Variants in ANKRD11 observed in about 807,000 individuals in gnomAD.
The protein encoded by ANKRD11 is ankyrin repeat domain-containing protein 11.
A neutral mutation model predicts 195.7 loss-of-function variants in ANKRD11; 17 were observed. The ratio of observed to expected loss-of-function variants is 0.09; its 90% CI spans 0.06 to 0.13. The LOEUF (loss-of-function observed/expected upper bound fraction) is 0.13, where lower values mean the gene tolerates loss of function less well. Ranked by LOEUF, ANKRD11 falls within the 10% of genes least tolerant of loss-of-function variation. The pLI is 1.00. For synonymous variants in ANKRD11, 1,953 were observed against 1,528.1 expected (o/e 1.28, Z -6.49); for missense variants, 3,735 against 3,566.1 (o/e 1.05, Z -1.21).
In ANKRD11 at chr16:89,291,555, G is replaced by A. The variant is rs2035066936; in HGVS notation, c.227-372C>T. On this transcript the variant is annotated intron_variant, in intron 4 of 12. Transcript: ENST00000301030. This position sits in a 1 kb window ranked among gnomAD's most constrained non-coding sequence, Gnocchi z 5.3. ...CCTGGCTCACACAGGACAGGTCTCT[G>A]TTCAATACACGTGTCTGTAATTCAA... 2 of 759,930 alleles carry A rather than the reference G, an allele frequency of 2.6e-6. No homozygotes were observed. The highest frequency in any genetic ancestry group is 4.0e-6 in the Non-Finnish European group (2 of 496,764). 47.1% of individuals were successfully genotyped at this position (759,930 alleles called of 1,614,324 possible). A position where few individuals can be genotyped will look rare whatever the true frequency, so the allele number is the denominator to read the frequency against.
chr16:89,340,230 C>T (rs553696230), intron 2 of ANKRD11, among the ~76,000 whole-genome samples: 1 of 152,332 alleles, frequency 6.6e-6, no homozygotes, highest in African/African-American at 2.4e-5. Context: ...CATTCACAAA[C>T]ATGTCATCTT....
At chr16:89,371,868 T>TA (rs908527106) in intron 2 of ANKRD11, among the ~76,000 whole-genome samples, 7 of 151,916 alleles carry the variant, frequency 4.6e-5, no homozygotes, top group African/African-American at 1.7e-4. Flanking sequence ...GAAAGGGAGG[T>TA]AGACCTGGTG....
chr16:89,360,660 AACGTCGATGGTCAAC>A (rs1215475894), intron 2 of ANKRD11: 1 of 152,188 alleles, frequency 6.6e-6, no homozygotes, highest in Non-Finnish European at 1.5e-5. Flanking sequence ...CGGAACCTAG[AACGTCGATGGTCAAC>A]ACTAGGCAGC....
At chr16:89,431,656 C>T (rs2042983595) in intron 1 of ANKRD11, among the ~76,000 whole-genome samples, 1 of 152,176 alleles carries the variant, frequency 6.6e-6, no homozygotes, top group Non-Finnish European at 1.5e-5. Flanking sequence ...CCTCCTCCCT[C>T]AATGTTGTCT....
intron 1 of ANKRD11, among the ~76,000 whole-genome samples, chr16:89,484,590 G>T (rs1441168437): frequency 1.3e-5 from 2 of 152,100 alleles, no homozygotes; most frequent in African/African-American, 4.8e-5. Flanking sequence ...TCGAGGAAGG[G>T]CAACTTACTA....
chr16:89,474,808 C>T (rs145095321), intron 1 of ANKRD11, among the ~76,000 whole-genome samples: 1 of 152,356 alleles, frequency 6.6e-6, no homozygotes, highest in East Asian at 1.9e-4. Flanking sequence ...ATGCCACCAA[C>T]GTCAATCCTC....
rs531931260 is a variant in ANKRD11 at position 89,427,430 on chromosome 16, C to G, written c.-144-9062G>C. On this transcript the variant is annotated intron_variant, in intron 1 of 12. Coordinates refer to ENST00000301030, the MANE Select transcript of ANKRD11 (RefSeq NM_013275.6). ...CAAAAATCTAGATGGAATTGTAAAC[C>G]TCTTACATACTACAACTTACAGAAC... Among the ~76,000 whole-genome samples, 5 of 152,288 alleles carry G rather than the reference C, an allele frequency of 3.3e-5. No individual in the cohort carries two copies. In the East Asian group the frequency reaches 9.6e-4, roughly 29 times the overall value.
intron 2 of ANKRD11, among the ~76,000 whole-genome samples, chr16:89,356,780 CAAAAAAAAA>C (rs58470031): frequency 9.6e-6 from 1 of 103,988 alleles, no homozygotes; most frequent in Non-Finnish European, 1.9e-5. Flanking sequence ...GACTCCGTCT[CAAAAAAAAA>C]AAAAAAGAAA....
chr16:89,449,654 G>A (rs1012725276), intron 1 of ANKRD11, among the ~76,000 whole-genome samples: 4 of 151,996 alleles, frequency 2.6e-5, no homozygotes, highest in Admixed American at 6.6e-5. Context: ...TTACCAGGGC[G>A]TGGTGGTACA....
chr16:89,389,302 G>A (rs2041067508), intron 2 of ANKRD11, among the ~76,000 whole-genome samples: 1 of 152,016 alleles, frequency 6.6e-6, no homozygotes, highest in Non-Finnish European at 1.5e-5. Flanking sequence ...TGGGATTACA[G>A]GCGTGAGCCA....
Position 89,316,971 on chromosome 16 carries a change from G to A in ANKRD11, c.49C>T (p.Leu17Phe), listed in dbSNP as rs1382022500. Residue 17 changes from leucine (L) to phenylalanine (F), a missense_variant, in exon 3 of 13, where the codon CTC becomes TTC. Physicochemically the swap from Leu to Phe is conservative, Grantham distance 22. Transcript: ENST00000301030. ...PKAPQQEELPLSSDMVEKQTG... is the reference protein window; with the variant it reads ...PKAPQQEELPFSSDMVEKQTG... Reference sequence around the variant, plus strand: ...TGCTTCTCCACCATGTCGCTGCTGAGGGGAAGCTCTTCCTGCTGTGGTGCT... The same window carrying A: ...TGCTTCTCCACCATGTCGCTGCTGAAGGGAAGCTCTTCCTGCTGTGGTGCT... 6.2e-7 allele frequency: 1 copy of A among 1,613,892 alleles called. No homozygotes were observed. Among genetic ancestry groups the A allele is most frequent in the South Asian group, 1.1e-5 (1 of 90,958 alleles).
rs113800349 is a variant in ANKRD11 at position 89,382,687 on chromosome 16, C to T, written c.-60+35597G>A. On this transcript the variant is annotated intron_variant, in intron 2 of 12. Transcript: ENST00000301030. ...AGTAGATGGGGTCTCACTATGTTGC[C>T]CAGGTTGGTCTCAAACTCCTGGGCT... Among the ~76,000 whole-genome samples the T allele has an allele frequency of 9.1e-3, 1,377 of 151,346 alleles. 17 individuals are homozygous for T. The highest frequency in any genetic ancestry group is 0.031 in the African/African-American group (1,287 of 41,184).
chr16:89,426,567 A>ACACAC (rs1555574377), intron 1 of ANKRD11, among the ~76,000 whole-genome samples: 3 of 151,446 alleles, frequency 2.0e-5, no homozygotes, highest in African/African-American at 4.9e-5. Flanking sequence ...ACACACACAC[A>ACACAC]AATCTGAAAT....
intron 2 of ANKRD11, among the ~76,000 whole-genome samples, chr16:89,394,686 G>A (rs1358114406): frequency 4.6e-5 from 7 of 151,344 alleles, no homozygotes; most frequent in Admixed American, 2.0e-4. Flanking sequence ...TCCACTCCTC[G>A]TCTCAATAAA....
intron 11 of ANKRD11, chr16:89,273,081 C>T (rs2033318656): frequency 6.8e-6 from 1 of 146,428 alleles, no homozygotes; most frequent in Admixed American, 6.8e-5. Flanking sequence ...ATAAGACCTA[C>T]TATCTATCTG....
intron 2 of ANKRD11, among the ~76,000 whole-genome samples, chr16:89,327,554 C>T (rs1189158107): frequency 2.0e-5 from 3 of 152,202 alleles, no homozygotes; most frequent in Admixed American, 6.5e-5. Flanking sequence ...CACACAAACA[C>T]CTATCCTATT....
At position 89,285,616 on chromosome 16, in the gene ANKRD11, G is replaced by A. The variant is rs773773470; in HGVS notation, c.926C>T (p.Ala309Val). 6.2e-7 allele frequency: 1 copy of A among 1,614,206 alleles called. No homozygotes were observed. The highest frequency in any genetic ancestry group is 8.5e-7 in the Non-Finnish European group (1 of 1,180,036). Reference protein sequence around the residue: ...SSEEEDAPSFAPSSSVDGNNT... With the variant: ...SSEEEDAPSFVPSSSVDGNNT... Reference sequence around the variant, plus strand: ...GTTGCCGTCGACTGAACTGGAAGGTGCGAAGGATGGTGCGTCTTCCTCTTC... The same window carrying A: ...GTTGCCGTCGACTGAACTGGAAGGTACGAAGGATGGTGCGTCTTCCTCTTC... Residue 309 changes from alanine (A) to valine (V), a missense_variant, in exon 9 of 13, where the codon GCA becomes GTA. Coordinates refer to ENST00000301030, the MANE Select transcript of ANKRD11 (RefSeq NM_013275.6). The surrounding 1 kb of genome is among the most constrained non-coding windows in gnomAD (Gnocchi z 5.6).
chr16:89,364,092 G>C (rs2039848827), intron 2 of ANKRD11, among the ~76,000 whole-genome samples: 1 of 146,792 alleles, frequency 6.8e-6, no homozygotes, highest in Non-Finnish European at 1.5e-5. Flanking sequence ...ACACTCAATG[G>C]AAGGCAAAAG....
chr16:89,275,073 G>A lies in ANKRD11; in HGVS notation c.7569+20C>T, dbSNP rs371586812. ...AAAGCCCTGGCCGTGGCGCCCCCCTGCCTGTGCCAGCCCACTTACCCGCTC... is the reference window on the plus strand; with the variant it reads ...AAAGCCCTGGCCGTGGCGCCCCCCTACCTGTGCCAGCCCACTTACCCGCTC... On this transcript the variant is annotated intron_variant, in intron 10 of 12. Transcript: ENST00000301030. 1 of 1,612,376 alleles carries A rather than the reference G, an allele frequency of 6.2e-7. No individual in the cohort carries two copies. Among genetic ancestry groups the A allele is most frequent in the African/African-American group, 1.3e-5 (1 of 74,922 alleles).
Sources: gnomAD v4.1 joint callset for allele counts (sites outside exome capture counted in the v4.1 genomes callset) on GRCh38, gnomAD v4.1.1 for gene constraint, Gnocchi (gnomAD v3.1) non-coding constraint, MANE v1.5 for transcripts, NCBI Gene and HGNC (gene_info 2026-07-23, HGNC 2026-07-21) for gene names.